GRID2: variants seen among roughly 807,000 people sequenced by gnomAD.
GRID2 encodes glutamate ionotropic receptor delta type subunit 2.
Under a neutral mutation model 114.8 loss-of-function variants are expected in GRID2, and 33 were observed. That is an observed-to-expected ratio of 0.29 (90% CI 0.22 to 0.38). GRID2 has a LOEUF of 0.38. Ranked by LOEUF, GRID2 falls within the 10% of genes least tolerant of loss-of-function variation. GRID2 has a pLI of 1.00. For missense variants in GRID2, 1,184 were observed against 1,257.7 expected (o/e 0.94, Z 0.89); for synonymous variants, 505 against 449.9 (o/e 1.12, Z -1.55).
chr4:93,365,335 A>G (rs1762239017), intron 8 of GRID2, among the ~76,000 whole-genome samples: 1 of 152,162 alleles, frequency 6.6e-6, no homozygotes, highest in South Asian at 2.1e-4. Flanking sequence ...AGTTAAGTTC[A>G]GTTTTTCTTT....
intron 8 of GRID2, among the ~76,000 whole-genome samples, chr4:93,395,329 C>G: frequency 6.6e-6 from 1 of 151,884 alleles, no homozygotes; most frequent in South Asian, 2.1e-4. Context: ...ATTACTGGGA[C>G]TGAGTGATTG....
At chr4:92,345,835 C>T (rs901749309) in intron 1 of GRID2, among the ~76,000 whole-genome samples, 1 of 152,178 alleles carries the variant, frequency 6.6e-6, no homozygotes, top group African/African-American at 2.4e-5. Flanking sequence ...TGAAAGTAAG[C>T]ATCGTTAGCC....
At chr4:92,951,325 G>C (rs774845691) in intron 2 of GRID2, among the ~76,000 whole-genome samples, 1 of 149,122 alleles carries the variant, frequency 6.7e-6, no homozygotes, top group African/African-American at 2.5e-5. Flanking sequence ...CCAAAAATTC[G>C]CAAAATTTTT....
intron 8 of GRID2, among the ~76,000 whole-genome samples, chr4:93,313,363 C>T (rs867669930): frequency 2.1e-4 from 32 of 152,298 alleles, no homozygotes; most frequent in African/African-American, 7.5e-4. Context: ...AATCACCATT[C>T]CCTCTTCACA....
chr4:92,326,313 C>T (rs1221377916), intron 1 of GRID2, among the ~76,000 whole-genome samples: 1 of 151,804 alleles, frequency 6.6e-6, no homozygotes, highest in African/African-American at 2.4e-5. Context: ...AATTTAAAGG[C>T]ATTTTAATGA....
chr4:92,478,039 G>A (rs1047283101), intron 1 of GRID2, among the ~76,000 whole-genome samples: 10 of 151,452 alleles, frequency 6.6e-5, no homozygotes, highest in East Asian at 3.9e-4. Flanking sequence ...ATGAGGAAAC[G>A]GCCTAGAAAT....
intron 1 of GRID2, among the ~76,000 whole-genome samples, chr4:92,513,453 T>C (rs1345632701): frequency 6.6e-6 from 1 of 151,908 alleles, no homozygotes. Context: ...TCAAAGTCTT[T>C]GCACACAGGG....
intron 8 of GRID2, among the ~76,000 whole-genome samples, chr4:93,256,229 G>A (rs567421677): frequency 5.4e-4 from 82 of 151,364 alleles, no homozygotes; most frequent in Admixed American, 9.9e-4. Context: ...TTTTTGAATG[G>A]CAACCATGTT....
chr4:92,813,368 A>T (rs895509563), intron 2 of GRID2, among the ~76,000 whole-genome samples: 1 of 152,140 alleles, frequency 6.6e-6, no homozygotes, highest in Admixed American at 6.6e-5. Flanking sequence ...CAGCAGAAAG[A>T]GAGCAAGCTA....
intron 4 of GRID2, among the ~76,000 whole-genome samples, chr4:93,169,753 A>G (rs1280999451): frequency 6.6e-6 from 1 of 152,216 alleles, no homozygotes; most frequent in Non-Finnish European, 1.5e-5. Context: ...CTTCTCATAC[A>G]TTCTCAAACA....
At chr4:92,460,032 C>CTCTATATATATATATA (rs749790235) in intron 1 of GRID2, among the ~76,000 whole-genome samples, 515 of 48,294 alleles carry the variant, frequency 0.011, 6 homozygotes, top group East Asian at 0.019. Flanking sequence ...ATAAATCTCA[C>CTCTATATATATATATA]TATATATATA....
intron 3 of GRID2, among the ~76,000 whole-genome samples, chr4:93,102,273 T>A (rs1423080749): frequency 1.3e-5 from 2 of 152,216 alleles, no homozygotes; most frequent in African/African-American, 4.8e-5. Flanking sequence ...CTTCTTCTGA[T>A]TATCCATATT....
intron 1 of GRID2, among the ~76,000 whole-genome samples, chr4:92,540,971 G>T (rs13125273): frequency 6.6e-6 from 1 of 152,070 alleles, no homozygotes; most frequent in Non-Finnish European, 1.5e-5. Context: ...CCATAAAAAC[G>T]GATGAGTTCA....
chr4:92,746,382 G>A (rs1737150434), intron 2 of GRID2, among the ~76,000 whole-genome samples: 4 of 152,056 alleles, frequency 2.6e-5, no homozygotes. Flanking sequence ...TTTATATGTA[G>A]TTTTATCCTA....
At chr4:93,251,488 T>C (rs1285262029) in intron 8 of GRID2, among the ~76,000 whole-genome samples, 2 of 152,220 alleles carry the variant, frequency 1.3e-5, no homozygotes. Flanking sequence ...TGTAACCATA[T>C]TTGTAAATAT....
intron 2 of GRID2, among the ~76,000 whole-genome samples, chr4:93,050,182 A>T (rs17329590): frequency 0.025 from 3,839 of 152,210 alleles, 51 homozygotes; most frequent in East Asian, 0.053. Flanking sequence ...TAGCCCTGCA[A>T]ATTGCAGAAG....
intron 1 of GRID2, among the ~76,000 whole-genome samples, chr4:92,315,843 C>T (rs541806144): frequency 4.0e-5 from 6 of 151,596 alleles, no homozygotes; most frequent in Non-Finnish European, 7.4e-5. Flanking sequence ...TGGTGGTGTG[C>T]GCCTGTAATC....
chr4:92,582,301 A>G (rs1213135629), intron 1 of GRID2, among the ~76,000 whole-genome samples: 1 of 152,014 alleles, frequency 6.6e-6, no homozygotes, highest in Non-Finnish European at 1.5e-5. Flanking sequence ...GAAAGGCTAG[A>G]GATTTGTTCT....
intron 2 of GRID2, among the ~76,000 whole-genome samples, chr4:93,077,509 A>G (rs913912576): frequency 4.6e-5 from 7 of 152,186 alleles, no homozygotes; most frequent in Admixed American, 1.3e-4. Context: ...TTTATAAGGA[A>G]CAATAATTTT....
Sources: gnomAD v4.1 joint callset for allele counts (sites outside exome capture counted in the v4.1 genomes callset) on GRCh38, gnomAD v4.1.1 for gene constraint, MANE v1.5 for transcripts, NCBI Gene and HGNC (gene_info 2026-07-23, HGNC 2026-07-21) for gene names.